Variants in DOCK3 observed in about 807,000 individuals in gnomAD.
DOCK3 encodes dedicator of cytokinesis 3.
DOCK3 carries 60 observed loss-of-function variants against 265.6 expected under a neutral mutation model. The ratio of observed to expected loss-of-function variants is 0.23; its 90% CI spans 0.18 to 0.28. The LOEUF (loss-of-function observed/expected upper bound fraction) is 0.28, where lower values mean the gene tolerates loss of function less well. Ranked by LOEUF, DOCK3 falls within the 10% of genes least tolerant of loss-of-function variation. DOCK3 has a pLI of 1.00. For synonymous variants in DOCK3, 881 were observed against 938.0 expected, an observed-to-expected ratio of 0.94 and a Z score of 1.11; for missense variants, 1,981 against 2,594.3, an observed-to-expected ratio of 0.76 and a Z score of 5.14.
intron 6 of DOCK3, among the ~76,000 whole-genome samples, chr3:51,064,808 T>C (rs2081534754): frequency 6.6e-6 from 1 of 152,244 alleles, no homozygotes; most frequent in African/African-American, 2.4e-5. Context: ...TTTTAGCCTC[T>C]GTTTTTGCTT....
chr3:50,849,275 T>G (rs1195489422), intron 3 of DOCK3, among the ~76,000 whole-genome samples: 2 of 151,800 alleles, frequency 1.3e-5, no homozygotes, highest in Admixed American at 1.3e-4. Context: ...GCTCAAGCAA[T>G]CTTCCTTCCT....
rs201762726 is a variant in DOCK3 at position 51,229,554 on chromosome 3, G to A, written c.1862G>A (p.Arg621Gln). 1,849 of 1,608,576 alleles carry A rather than the reference G, an allele frequency of 1.1e-3. 1 individual carries two copies. Among genetic ancestry groups the A allele is most frequent in the Middle Eastern group, 2.6e-3 (16 of 6,050 alleles). The stretch of plus-strand genomic sequence containing the variant: ...CTGAAGTGGAAAGCCTTCCCCGACC[G>A]GATCATGGATGTACTAGGGCGGCTG... ...ALLKWKAFPD[R>Q]IMDVLGRLRH... Residue 621 changes from arginine (R) to glutamine (Q), a missense_variant, in exon 19 of 53, where the codon CGG (arginine) becomes CAG (glutamine). Arg to Gln is a conservative substitution (Grantham distance 43, BLOSUM62 1). Transcript: ENST00000266037.
intron 5 of DOCK3, among the ~76,000 whole-genome samples, chr3:51,010,046 T>C (rs1419841339): frequency 6.6e-6 from 1 of 152,222 alleles, no homozygotes; most frequent in African/African-American, 2.4e-5. Flanking sequence ...AACTCTGTGG[T>C]CAATTTTGGA....
At chr3:51,085,970 C>T (rs1448220408) in intron 7 of DOCK3, among the ~76,000 whole-genome samples, 2 of 152,156 alleles carry the variant, frequency 1.3e-5, no homozygotes, top group Non-Finnish European at 2.9e-5. Context: ...CAGGGATACC[C>T]TAACCCAGTG....
chr3:51,141,474 A>G (rs1489660753), intron 9 of DOCK3, among the ~76,000 whole-genome samples: 1 of 151,854 alleles, frequency 6.6e-6, no homozygotes, highest in Non-Finnish European at 1.5e-5. Context: ...TAGATCTATG[A>G]TTCATTTTTA....
At chr3:50,998,470 T>C (rs947002521) in intron 5 of DOCK3, among the ~76,000 whole-genome samples, 1 of 152,086 alleles carries the variant, frequency 6.6e-6, no homozygotes, top group African/African-American at 2.4e-5. Context: ...TACGAATGAG[T>C]TGATACAATT....
At chr3:51,202,762 A>C (rs1455899000) in intron 12 of DOCK3, among the ~76,000 whole-genome samples, 5 of 151,808 alleles carry the variant, frequency 3.3e-5, no homozygotes, top group Admixed American at 3.3e-4. Flanking sequence ...TGATGCAAAA[A>C]TCCTCAATAA....
intron 2 of DOCK3, among the ~76,000 whole-genome samples, chr3:50,800,818 T>A (rs1267085967): frequency 6.6e-6 from 1 of 152,172 alleles, no homozygotes; most frequent in Non-Finnish European, 1.5e-5. Flanking sequence ...AAGTTTCCTC[T>A]TAATACTGCT....
At chr3:50,856,738 G>A (rs1575370632) in intron 3 of DOCK3, among the ~76,000 whole-genome samples, 1 of 152,088 alleles carries the variant, frequency 6.6e-6, no homozygotes, top group Non-Finnish European at 1.5e-5. Context: ...ATAGAGTGGT[G>A]TAGGGGGACA....
At chr3:51,112,309 A>G (rs1271562519) in intron 9 of DOCK3, among the ~76,000 whole-genome samples, 2 of 152,240 alleles carry the variant, frequency 1.3e-5, no homozygotes, top group East Asian at 3.8e-4. Flanking sequence ...GAATAGAGAA[A>G]AAATTATAAG....
chr3:50,991,791 T>C (rs991986910), intron 5 of DOCK3, among the ~76,000 whole-genome samples: 2 of 152,160 alleles, frequency 1.3e-5, no homozygotes, highest in Non-Finnish European at 2.9e-5. Flanking sequence ...AGAATATACA[T>C]TCTTCTTATC....
intron 13 of DOCK3, among the ~76,000 whole-genome samples, chr3:51,210,968 G>A (rs1341565705): frequency 2.0e-5 from 3 of 152,216 alleles, no homozygotes; most frequent in Non-Finnish European, 4.4e-5. Flanking sequence ...CCTTGGATAT[G>A]TAGCTACAAA....
At chr3:51,184,729 C>A (rs1312520002) in intron 12 of DOCK3, among the ~76,000 whole-genome samples, 2 of 152,070 alleles carry the variant, frequency 1.3e-5, no homozygotes, top group Admixed American at 1.3e-4. Flanking sequence ...AGCATAATTC[C>A]CCACTCCTTA....
At chr3:51,020,527 A>T (rs1229128810) in intron 5 of DOCK3, among the ~76,000 whole-genome samples, 1 of 151,724 alleles carries the variant, frequency 6.6e-6, no homozygotes. Flanking sequence ...TAGTGTTTTC[A>T]TCACGAAATC....
intron 5 of DOCK3, among the ~76,000 whole-genome samples, chr3:51,036,090 G>A (rs879580022): frequency 2.6e-5 from 4 of 152,128 alleles, no homozygotes; most frequent in Non-Finnish European, 5.9e-5. Context: ...CATCACTGGG[G>A]ATGTGGTGGT....
rs542416226 is a variant in DOCK3 at position 51,354,779 on chromosome 3, G to C, written c.4108-103G>C. ...TGTCCCAGGGCCTGATACAGAGAAG[G>C]CTCCTAAGATATGTTTGTGCTATAT... On this transcript the variant is annotated intron_variant, in intron 40 of 52. Transcript: ENST00000266037. 1.5e-4 allele frequency: 228 copies of C among 1,506,180 alleles called. No individual in the cohort carries two copies. In the African/African-American group the frequency reaches 2.8e-3, roughly 19 times the overall value. 93.3% of individuals were successfully genotyped at this position (1,506,180 alleles called of 1,614,324 possible).
chr3:50,855,654 C>CTTAT lies in DOCK3; in HGVS notation c.162+13962_162+13965dup, dbSNP rs562663180. Among the ~76,000 whole-genome samples the CTTAT allele has an allele frequency of 5.9e-3, 898 of 151,884 alleles. 5 individuals are homozygous for CTTAT. Among genetic ancestry groups the CTTAT allele is most frequent in the African/African-American group, 0.014 (592 of 41,452 alleles). Reference sequence around the variant, plus strand: ...TTTCCTATTTGGATGCCTTTTATTTCTTATTTATTTATTTATTTATTTATT... The same window carrying CTTAT: ...TTTCCTATTTGGATGCCTTTTATTTCTTATTTATTTATTTATTTATTTATTTATT... On this transcript the variant is annotated intron_variant, in intron 3 of 52. Coordinates refer to ENST00000266037, the MANE Select transcript of DOCK3 (RefSeq NM_004947.5).
rs1221945361 is a variant in DOCK3 at position 51,090,356 on chromosome 3, T to C, written c.718T>C (p.Tyr240His). ...AGATACCGATGTCTTCTTTTCCTTA[T>C]ATGACATGAGGGAAGGCAAGCAGAT... is the stretch of plus-strand genomic sequence containing the variant. ...GEDTDVFFSL[Y>H]DMREGKQISE... Residue 240 changes from tyrosine (Y) to histidine (H), a missense_variant, in exon 9 of 53, where the codon TAT (tyrosine) becomes CAT (histidine). Around this residue, in one of 4 missense-constraint regions of DOCK3, gnomAD observed 456 missense variants for 539.0 expected, o/e 0.85. Coordinates refer to ENST00000266037, the MANE Select transcript of DOCK3 (RefSeq NM_004947.5). 5.0e-6 allele frequency: 8 copies of C among 1,606,934 alleles called. No individual in the cohort carries two copies. The East Asian group carries it at 6.7e-5, about 13-fold the overall frequency.
chr3:50,681,570 A>G (rs997138882), intron 1 of DOCK3, among the ~76,000 whole-genome samples: 1 of 152,166 alleles, frequency 6.6e-6, no homozygotes, highest in Non-Finnish European at 1.5e-5. Flanking sequence ...CATTTTTTTC[A>G]CATAAAGGCT....
Sources: gnomAD v4.1 joint callset for allele counts (sites outside exome capture counted in the v4.1 genomes callset) on GRCh38, gnomAD v4.1.1 for gene constraint, gnomAD v4.1.1 regional missense constraint, MANE v1.5 for transcripts, NCBI Gene and HGNC (gene_info 2026-07-23, HGNC 2026-07-21) for gene names.